SCHIP1: variants seen among roughly 807,000 people sequenced by gnomAD.
SCHIP1 encodes schwannomin-interacting protein 1.
SCHIP1 carries 8 observed loss-of-function variants against 29.7 expected under a neutral mutation model. The ratio of observed to expected loss-of-function variants is 0.27; its 90% CI spans 0.16 to 0.49. The LOEUF (loss-of-function observed/expected upper bound fraction) is 0.49, where lower values mean the gene tolerates loss of function less well. Ranked by LOEUF, SCHIP1 falls within the 20% of genes least tolerant of loss-of-function variation. SCHIP1 has a pLI of 0.99. For missense variants in SCHIP1, 193 were observed against 294.6 expected (o/e 0.66, Z 2.52); for synonymous variants, 76 against 94.9 (o/e 0.80, Z 1.16).
the SCHIP1 span, among the ~76,000 whole-genome samples, chr3:159,355,148 A>G: frequency 6.6e-6 from 1 of 152,192 alleles, no homozygotes; most frequent in East Asian, 1.9e-4. Context: ...CATTACAACA[A>G]TTCAGGCTGG....
the SCHIP1 span, among the ~76,000 whole-genome samples, chr3:159,771,742 T>A: frequency 6.6e-6 from 1 of 152,010 alleles, no homozygotes; most frequent in African/African-American, 2.4e-5. Context: ...TGTAAACAAT[T>A]CTTAAAATTT....
At chr3:159,608,781 A>G in the SCHIP1 span, among the ~76,000 whole-genome samples, 3 of 152,168 alleles carry the variant, frequency 2.0e-5, no homozygotes, top group Non-Finnish European at 4.4e-5. Context: ...AAAGAACAGA[A>G]TAAGTACTTG....
the SCHIP1 span, among the ~76,000 whole-genome samples, chr3:159,786,321 A>G: frequency 2.6e-5 from 4 of 152,158 alleles, no homozygotes; most frequent in Non-Finnish European, 4.4e-5. Flanking sequence ...TAAATCATCT[A>G]TGATACCCTT....
chr3:159,528,198 G>A, the SCHIP1 span, among the ~76,000 whole-genome samples: 1 of 152,146 alleles, frequency 6.6e-6, no homozygotes, highest in African/African-American at 2.4e-5. Flanking sequence ...GAACACCTGG[G>A]TAACTTTATT....
At chr3:159,896,488 A>T (rs1718080625) in intron 6 of SCHIP1, among the ~76,000 whole-genome samples, 1 of 152,242 alleles carries the variant, frequency 6.6e-6, no homozygotes, top group Admixed American at 6.5e-5. Context: ...TAATGTCTAA[A>T]AGTCTCAGAT....
the SCHIP1 span, among the ~76,000 whole-genome samples, chr3:159,404,503 T>C: frequency 2.0e-5 from 3 of 152,146 alleles, no homozygotes; most frequent in Non-Finnish European, 1.5e-5. Context: ...CAGGAAGTAC[T>C]TGTCACAGGT....
chr3:159,393,322 A>G, the SCHIP1 span, among the ~76,000 whole-genome samples: 4 of 151,968 alleles, frequency 2.6e-5, no homozygotes, highest in Non-Finnish European at 5.9e-5. Flanking sequence ...GTTTAATTAG[A>G]TCCCATTTGT....
the SCHIP1 span, among the ~76,000 whole-genome samples, chr3:159,758,800 G>A: frequency 6.6e-6 from 1 of 152,176 alleles, no homozygotes; most frequent in African/African-American, 2.4e-5. Context: ...CACTATACAG[G>A]GCACAATCTG....
chr3:159,597,036 A>G, the SCHIP1 span, among the ~76,000 whole-genome samples: 1 of 152,046 alleles, frequency 6.6e-6, no homozygotes. Context: ...TTGAATTTAA[A>G]TCTTGATAAG....
At chr3:159,507,229 AT>A in the SCHIP1 span, among the ~76,000 whole-genome samples, 1 of 152,178 alleles carries the variant, frequency 6.6e-6, no homozygotes, top group Non-Finnish European at 1.5e-5. Context: ...CTTTGAAGCA[AT>A]TGTGAATGGG....
chr3:159,720,058 G>A, the SCHIP1 span, among the ~76,000 whole-genome samples: 187 of 151,736 alleles, frequency 1.2e-3, no homozygotes, highest in African/African-American at 4.4e-3. Flanking sequence ...GCCATAAAAA[G>A]TGAGTTCATG....
chr3:159,277,088 G>A, the SCHIP1 span, among the ~76,000 whole-genome samples: 1 of 152,208 alleles, frequency 6.6e-6, no homozygotes, highest in East Asian at 1.9e-4. Context: ...GACCTCAGTA[G>A]CATGCTTCTC....
intron 5 of SCHIP1, among the ~76,000 whole-genome samples, chr3:159,890,163 A>C (rs1717361489): frequency 6.6e-6 from 1 of 152,142 alleles, no homozygotes; most frequent in African/African-American, 2.4e-5. Flanking sequence ...AAGCATTTAC[A>C]GATAAAATAA....
the SCHIP1 span, among the ~76,000 whole-genome samples, chr3:159,322,589 T>C: frequency 6.6e-6 from 1 of 152,318 alleles, no homozygotes; most frequent in Non-Finnish European, 1.5e-5. Flanking sequence ...AGATCTGGCC[T>C]GTCCCCAGCT....
chr3:159,891,002 G>C (rs1717465646), intron 5 of SCHIP1, among the ~76,000 whole-genome samples: 2 of 152,156 alleles, frequency 1.3e-5, no homozygotes, highest in Admixed American at 1.3e-4. Flanking sequence ...GAAAAAGCAA[G>C]AGAGAGCCTT....
At chr3:159,659,203 C>T in the SCHIP1 span, among the ~76,000 whole-genome samples, 2 of 152,186 alleles carry the variant, frequency 1.3e-5, no homozygotes, top group Non-Finnish European at 2.9e-5. Context: ...CAGAGAAGCC[C>T]TTAGCTACCT....
chr3:159,684,803 C>CAA, the SCHIP1 span, among the ~76,000 whole-genome samples: 33 of 64,874 alleles, frequency 5.1e-4, no homozygotes, highest in African/African-American at 1.2e-3. Flanking sequence ...GACTCTGTTG[C>CAA]AAAAAAAAAA....
the SCHIP1 span, among the ~76,000 whole-genome samples, chr3:159,807,984 G>T: frequency 6.6e-6 from 1 of 152,146 alleles, no homozygotes; most frequent in African/African-American, 2.4e-5. Flanking sequence ...TAACTCAAGA[G>T]CCCTGTTCTT....
the SCHIP1 span, among the ~76,000 whole-genome samples, chr3:159,300,875 C>T: frequency 6.6e-6 from 1 of 152,174 alleles, no homozygotes; most frequent in Non-Finnish European, 1.5e-5. Context: ...TCACCTCCTC[C>T]TTAAAGTTTT....
Sources: allele counts gnomAD v4.1 joint callset (sites outside exome capture counted in the v4.1 genomes callset), GRCh38; gene constraint gnomAD v4.1.1; transcripts MANE v1.5; gene names NCBI Gene and HGNC (gene_info 2026-07-23, HGNC 2026-07-21).